Variants in LRRC4C observed in about 807,000 individuals in gnomAD.
LRRC4C encodes the protein leucine rich repeat containing 4C, also known as leucine-rich repeat-containing protein 4C.
LRRC4C carries 5 observed loss-of-function variants against 33.6 expected under a neutral mutation model. The ratio of observed to expected loss-of-function variants is 0.15; its 90% CI spans 0.08 to 0.31. The LOEUF (loss-of-function observed/expected upper bound fraction) is 0.31, where lower values mean the gene tolerates loss of function less well. Among genes scored for constraint, LRRC4C ranks in the 10% least tolerant of loss-of-function variants. The pLI is 1.00. For synonymous variants in LRRC4C, 329 were observed against 302.0 expected, an observed-to-expected ratio of 1.09 and a Z score of -0.93; for missense variants, 560 against 796.7, an observed-to-expected ratio of 0.70 and a Z score of 3.58.
At chr11:40,215,572 C>G (rs2135868669) in intron 5 of LRRC4C, among the ~76,000 whole-genome samples, 1 of 152,250 alleles carries the variant, frequency 6.6e-6, no homozygotes, top group East Asian at 1.9e-4. Context: ...TAACTGTTGT[C>G]CAGATAGCCC....
intron 1 of LRRC4C, among the ~76,000 whole-genome samples, chr11:41,129,980 C>A (rs1942935779): frequency 6.6e-6 from 1 of 151,902 alleles, no homozygotes; most frequent in African/African-American, 2.4e-5. Flanking sequence ...AAATACCAAC[C>A]ACCAAGCTCC....
chr11:40,237,072 T>C (rs1215962048), intron 5 of LRRC4C, among the ~76,000 whole-genome samples: 1 of 152,180 alleles, frequency 6.6e-6, no homozygotes, highest in African/African-American at 2.4e-5. Flanking sequence ...GCAGACTATA[T>C]ATCAACCTAC....
At chr11:41,355,199 T>C in intron 1 of LRRC4C, among the ~76,000 whole-genome samples, 1 of 151,876 alleles carries the variant, frequency 6.6e-6, no homozygotes, top group South Asian at 2.1e-4. Flanking sequence ...GGCATACAAG[T>C]GACCAAGAAC....
intron 1 of LRRC4C, among the ~76,000 whole-genome samples, chr11:41,156,745 G>C (rs1168263017): frequency 1.3e-5 from 2 of 152,032 alleles, no homozygotes; most frequent in African/African-American, 4.8e-5. Context: ...TATTAAATAT[G>C]ATAACTGAGG....
At chr11:40,748,812 A>G (rs1291121279) in intron 2 of LRRC4C, among the ~76,000 whole-genome samples, 1 of 152,254 alleles carries the variant, frequency 6.6e-6, no homozygotes, top group African/African-American at 2.4e-5. Context: ...ATGAAAGTCA[A>G]TTGCCAACAA....
chr11:40,850,630 T>C (rs1953435344), intron 2 of LRRC4C, among the ~76,000 whole-genome samples: 1 of 152,192 alleles, frequency 6.6e-6, no homozygotes, highest in Non-Finnish European at 1.5e-5. Flanking sequence ...AGGCAGGCAG[T>C]CTGTCCCTTA....
chr11:40,638,623 A>C (rs1297261187), intron 3 of LRRC4C, among the ~76,000 whole-genome samples: 1 of 152,164 alleles, frequency 6.6e-6, no homozygotes, highest in Non-Finnish European at 1.5e-5. Flanking sequence ...TTTCAATCTT[A>C]ATTAAATGGA....
chr11:41,327,134 CT>C (rs1218724291), intron 1 of LRRC4C, among the ~76,000 whole-genome samples: 2 of 152,156 alleles, frequency 1.3e-5, no homozygotes, highest in Non-Finnish European at 2.9e-5. Context: ...CATTCTCTCT[CT>C]TTATATTTTA....
chr11:40,501,365 G>A (rs1394515404), intron 3 of LRRC4C, among the ~76,000 whole-genome samples: 1 of 152,190 alleles, frequency 6.6e-6, no homozygotes, highest in Non-Finnish European at 1.5e-5. Context: ...CTCTGTGTGG[G>A]AGTCCCCTCC....
intron 1 of LRRC4C, among the ~76,000 whole-genome samples, chr11:41,024,074 C>G (rs1411155156): frequency 6.6e-6 from 1 of 151,330 alleles, no homozygotes; most frequent in Non-Finnish European, 1.5e-5. Flanking sequence ...TTGTGACTAC[C>G]TTATCATCCA....
chr11:40,366,265 G>A (rs994808895), intron 3 of LRRC4C, among the ~76,000 whole-genome samples: 11 of 152,030 alleles, frequency 7.2e-5, no homozygotes, highest in Admixed American at 6.6e-4. Flanking sequence ...ATAATAAACT[G>A]TATTCATATT....
intron 3 of LRRC4C, among the ~76,000 whole-genome samples, chr11:40,372,770 A>G (rs111821460): frequency 1.3e-5 from 2 of 152,154 alleles, no homozygotes; most frequent in Non-Finnish European, 2.9e-5. Context: ...TCAGAAAAGC[A>G]TACTTTGTCA....
At chr11:40,699,048 C>T (rs1217133906) in intron 2 of LRRC4C, among the ~76,000 whole-genome samples, 1 of 152,094 alleles carries the variant, frequency 6.6e-6, no homozygotes, top group Non-Finnish European at 1.5e-5. Context: ...TACTATTCAC[C>T]CTTTCCTCAT....
At chr11:40,484,614 C>T (rs564382998) in intron 3 of LRRC4C, among the ~76,000 whole-genome samples, 33 of 152,080 alleles carry the variant, frequency 2.2e-4, no homozygotes, top group African/African-American at 7.7e-4. Context: ...AATTTAAAGA[C>T]ATTTCTGCAT....
At chr11:40,981,521 G>C (rs192736488) in intron 1 of LRRC4C, among the ~76,000 whole-genome samples, 79 of 152,232 alleles carry the variant, frequency 5.2e-4, no homozygotes, top group African/African-American at 1.8e-3. Context: ...CACTACCACT[G>C]TAAGTGGCTT....
At chr11:41,338,043 T>G (rs1951511525) in intron 1 of LRRC4C, among the ~76,000 whole-genome samples, 1 of 152,180 alleles carries the variant, frequency 6.6e-6, no homozygotes, top group South Asian at 2.1e-4. Flanking sequence ...CAACAGATGC[T>G]GTTGAGGCTG....
At chr11:41,100,839 C>G (rs1327309929) in intron 1 of LRRC4C, among the ~76,000 whole-genome samples, 1 of 152,070 alleles carries the variant, frequency 6.6e-6, no homozygotes, top group Non-Finnish European at 1.5e-5. Context: ...GGCACAAAAA[C>G]AGACACATAA....
At chr11:40,488,249 G>A (rs532553644) in intron 3 of LRRC4C, among the ~76,000 whole-genome samples, 21 of 151,934 alleles carry the variant, frequency 1.4e-4, no homozygotes, top group African/African-American at 4.3e-4. Flanking sequence ...CAAACCATTC[G>A]AAATCAAAAG....
At chr11:41,368,027 G>A (rs1013003461) in intron 1 of LRRC4C, among the ~76,000 whole-genome samples, 4 of 152,094 alleles carry the variant, frequency 2.6e-5, no homozygotes, top group African/African-American at 9.7e-5. Flanking sequence ...AAGTGCTTGG[G>A]AAATTACTTT....
Sources: allele counts gnomAD v4.1 joint callset (sites outside exome capture counted in the v4.1 genomes callset), GRCh38; gene constraint gnomAD v4.1.1; transcripts MANE v1.5; gene names NCBI Gene and HGNC (gene_info 2026-07-23, HGNC 2026-07-21).